The following PCNX2 variants were observed in gnomAD, a reference collection of about 807,000 sequenced individuals.
The protein encoded by PCNX2 is pecanex 2, also known as pecanex-like protein 2.
A neutral mutation model predicts 223.8 loss-of-function variants in PCNX2; 168 were observed. That is an observed-to-expected ratio of 0.75 (90% CI 0.66 to 0.85). The LOEUF is 0.85. Among genes scored for constraint, PCNX2 ranks in the 40% least tolerant of loss-of-function variants. The pLI is 0.00. For synonymous variants in PCNX2, 1,006 were observed against 1,052.6 expected (o/e 0.96, Z 0.86); for missense variants, 2,507 against 2,675.5 (o/e 0.94, Z 1.39).
intron 15 of PCNX2, among the ~76,000 whole-genome samples, chr1:233,192,864 C>A (rs1680494761): frequency 6.6e-6 from 1 of 150,940 alleles, no homozygotes; most frequent in South Asian, 2.1e-4. Context: ...TTCTAGAGAT[C>A]TGCTGTATAA....
Position 233,137,811 on chromosome 1 carries a change from C to T in PCNX2, c.3659+1903G>A, listed in dbSNP as rs140502360. On this transcript the variant is annotated intron_variant, in intron 20 of 33. Transcript: ENST00000258229. ...CACCTAACAAGATACCCCAGTTCAC[C>T]GACTCATTAATTTACCAGACCCCTA... Among the ~76,000 whole-genome samples the T allele has an allele frequency of 6.6e-3, 1,003 of 152,180 alleles. 5 individuals are homozygous for T. The highest frequency in any genetic ancestry group is 0.034 in the Middle Eastern group (10 of 294).
intron 28 of PCNX2, among the ~76,000 whole-genome samples, chr1:233,013,341 A>G (rs1325015732): frequency 6.6e-6 from 1 of 152,180 alleles, no homozygotes; most frequent in African/African-American, 2.4e-5. Flanking sequence ...CTCCAGAGGA[A>G]AATGAAAAGC....
At chr1:233,276,543 T>C (rs1164178698) in intron 1 of PCNX2, among the ~76,000 whole-genome samples, 1 of 152,242 alleles carries the variant, frequency 6.6e-6, no homozygotes, top group East Asian at 1.9e-4. Context: ...GGATTACGCA[T>C]GACATTTTTC....
intron 19 of PCNX2, among the ~76,000 whole-genome samples, chr1:233,143,620 T>C (rs2102784912): frequency 6.6e-6 from 1 of 152,264 alleles, no homozygotes; most frequent in East Asian, 1.9e-4. Context: ...TGATACATGC[T>C]CCAGTTTGAG....
At chr1:233,239,009 C>T (rs76867169) in intron 8 of PCNX2, among the ~76,000 whole-genome samples, 174 of 152,276 alleles carry the variant, frequency 1.1e-3, no homozygotes, top group African/African-American at 4.1e-3. Flanking sequence ...CTGCGTTGTA[C>T]GGAAGCCACT....
At chr1:233,068,087 T>C (rs1027623443) in intron 23 of PCNX2, among the ~76,000 whole-genome samples, 8 of 150,564 alleles carry the variant, frequency 5.3e-5, no homozygotes, top group Non-Finnish European at 1.2e-4. Flanking sequence ...AAACACCTTA[T>C]CTAAAAAGGA....
chr1:233,089,049 C>A (rs1022664287), intron 23 of PCNX2, among the ~76,000 whole-genome samples: 1 of 152,124 alleles, frequency 6.6e-6, no homozygotes, highest in African/African-American at 2.4e-5. Flanking sequence ...TAAGCCACAC[C>A]ACCTGTGCCA....
chr1:233,149,155 T>C (rs1301190716), intron 19 of PCNX2, among the ~76,000 whole-genome samples: 1 of 152,230 alleles, frequency 6.6e-6, no homozygotes, highest in East Asian at 1.9e-4. Flanking sequence ...CATGATTATT[T>C]CTCTTTTCTC....
chr1:233,130,140 A>G (rs981407801), intron 21 of PCNX2, among the ~76,000 whole-genome samples: 1 of 152,144 alleles, frequency 6.6e-6, no homozygotes, highest in African/African-American at 2.4e-5. Context: ...CGAGACCACG[A>G]ACCCACCAGA....
chr1:233,174,438 A>G (rs1051706460), intron 17 of PCNX2, among the ~76,000 whole-genome samples: 1 of 150,950 alleles, frequency 6.6e-6, no homozygotes, highest in Non-Finnish European at 1.5e-5. Flanking sequence ...ATGTTTAACT[A>G]AGAAATATAT....
intron 33 of PCNX2, chr1:232,984,682 A>C (rs1456555932): frequency 3.7e-6 from 2 of 536,134 alleles, no homozygotes; most frequent in Non-Finnish European, 6.5e-6. Context: ...AGCATCTGAG[A>C]CACAGGGGCT....
intron 8 of PCNX2, among the ~76,000 whole-genome samples, chr1:233,238,875 A>C (rs1468808992): frequency 6.6e-6 from 1 of 152,228 alleles, no homozygotes; most frequent in East Asian, 1.9e-4. Flanking sequence ...CTGTGCTTCC[A>C]TTATTTAATG....
intron 21 of PCNX2, among the ~76,000 whole-genome samples, chr1:233,102,246 G>C (rs1159666208): frequency 6.6e-6 from 1 of 152,086 alleles, no homozygotes; most frequent in East Asian, 1.9e-4. Context: ...ATTCCATTGT[G>C]TATATATACA....
Position 233,262,125 on chromosome 1 carries a change from T to A in PCNX2, c.400A>T (p.Ser134Cys). ...AGGGGAGGCGTGGAGAGGTTTCGAC[T>A]GGCCTCTTCCTTTTTGCCATTGTGA... ...QIHNGKKEEASRNLSTPPLRC... is the reference protein window; with the variant it reads ...QIHNGKKEEACRNLSTPPLRC... The change falls in exon 3 of 34, where the codon AGT becomes TGT. Residue 134 changes from serine (S) to cysteine (C), a missense_variant. Ser to Cys is a moderately radical substitution (Grantham distance 112). Transcript: ENST00000258229. The A allele has an allele frequency of 6.2e-7, 1 of 1,613,858 alleles. No homozygotes were observed. Among genetic ancestry groups the A allele is most frequent in the Non-Finnish European group, 8.5e-7 (1 of 1,179,784 alleles).
chr1:233,282,975 T>C (rs987668904), intron 1 of PCNX2, among the ~76,000 whole-genome samples: 2 of 152,088 alleles, frequency 1.3e-5, no homozygotes, highest in Non-Finnish European at 2.9e-5. Flanking sequence ...TCTAAGTAAC[T>C]TTTGAGCATG....
At chr1:233,270,434 C>T (rs748543050) in intron 1 of PCNX2, among the ~76,000 whole-genome samples, 2 of 152,124 alleles carry the variant, frequency 1.3e-5, no homozygotes, top group Non-Finnish European at 2.9e-5. Context: ...AACCCCTGGA[C>T]GTAGATGTGT....
chr1:233,015,437 G>A (rs926733411), intron 27 of PCNX2, among the ~76,000 whole-genome samples: 14 of 152,140 alleles, frequency 9.2e-5, no homozygotes, highest in African/African-American at 3.4e-4. Flanking sequence ...GGTGGCTCAC[G>A]CCTGTAATCT....
intron 21 of PCNX2, chr1:233,112,816 C>T (rs954352672): frequency 1.6e-6 from 2 of 1,253,768 alleles, no homozygotes; most frequent in Non-Finnish European, 1.0e-6. Flanking sequence ...GCTTGATGTC[C>T]CAAATGGGGA....
intron 1 of PCNX2, among the ~76,000 whole-genome samples, chr1:233,285,831 T>C (rs1228054619): frequency 1.3e-5 from 2 of 152,242 alleles, no homozygotes; most frequent in African/African-American, 2.4e-5. Flanking sequence ...TATTCTTCAA[T>C]AGTGACTAGT....
Sources: allele counts gnomAD v4.1 joint callset (sites outside exome capture counted in the v4.1 genomes callset), GRCh38; gene constraint gnomAD v4.1.1; transcripts MANE v1.5; gene names NCBI Gene and HGNC (gene_info 2026-07-23, HGNC 2026-07-21).